Variants in FBXL7 observed in about 807,000 individuals in gnomAD.
The protein encoded by FBXL7 is F-box and leucine rich repeat protein 7, also known as F-box/LRR-repeat protein 7.
A neutral mutation model predicts 38.3 loss-of-function variants in FBXL7; 12 were observed. That is an observed-to-expected ratio of 0.31 (90% CI 0.20 to 0.51). The LOEUF (loss-of-function observed/expected upper bound fraction) is 0.51. Ranked by LOEUF, FBXL7 falls within the 20% of genes least tolerant of loss-of-function variation. The probability of loss-of-function intolerance (pLI) is 0.98; values close to 1 mark genes in which losing one functional copy is unlikely to be tolerated. For synonymous variants in FBXL7, 297 were observed against 300.9 expected, an observed-to-expected ratio of 0.99 and a Z score of 0.13; for missense variants, 567 against 676.4, an observed-to-expected ratio of 0.84 and a Z score of 1.79.
Position 15,664,765 on chromosome 5 carries a change from C to T in FBXL7, c.127+48693C>T, listed in dbSNP as rs118032588. On this transcript the variant is annotated intron_variant, in intron 2 of 3. Coordinates refer to ENST00000504595, the MANE Select transcript of FBXL7 (RefSeq NM_012304.5). ...GACTATAGGCCTGAGCCACCATGCC[C>T]GGCTTCAAATTTTCTTCAAGCGTCC... is the stretch of plus-strand genomic sequence containing the variant. Among the ~76,000 whole-genome samples the T allele has an allele frequency of 9.2e-3, 1,399 of 152,012 alleles. 47 individuals carry two copies. Among genetic ancestry groups the T allele is most frequent in the East Asian group, 0.052 (268 of 5,176 alleles).
At chr5:15,882,017 A>C (rs563242048) in intron 2 of FBXL7, among the ~76,000 whole-genome samples, 110 of 152,314 alleles carry the variant, frequency 7.2e-4, no homozygotes, top group Non-Finnish European at 1.3e-3. Context: ...TGGCTGGAGC[A>C]AGAGGAGGAG....
intron 2 of FBXL7, among the ~76,000 whole-genome samples, chr5:15,658,631 T>C (rs1468768563): frequency 6.6e-6 from 1 of 152,112 alleles, no homozygotes; most frequent in Non-Finnish European, 1.5e-5. Context: ...GCAACTCCTG[T>C]CCTTTTTAAG....
intron 2 of FBXL7, among the ~76,000 whole-genome samples, chr5:15,758,198 T>C (rs1736349321): frequency 6.6e-6 from 1 of 151,880 alleles, no homozygotes; most frequent in East Asian, 1.9e-4. Context: ...GAAATAAGTA[T>C]CAAATGCTTA....
intron 2 of FBXL7, among the ~76,000 whole-genome samples, chr5:15,636,908 A>G (rs1345471531): frequency 6.6e-6 from 1 of 152,130 alleles, no homozygotes; most frequent in East Asian, 1.9e-4. Flanking sequence ...CATAGTTGAT[A>G]TTGGAAGTAG....
chr5:15,564,649 C>G (rs569437458), intron 1 of FBXL7, among the ~76,000 whole-genome samples: 1 of 152,048 alleles, frequency 6.6e-6, no homozygotes, highest in East Asian at 1.9e-4. Flanking sequence ...TTTAACTGCT[C>G]TGTGATTTCA....
At chr5:15,824,956 G>A (rs1050166965) in intron 2 of FBXL7, among the ~76,000 whole-genome samples, 1 of 152,228 alleles carries the variant, frequency 6.6e-6, no homozygotes, top group Non-Finnish European at 1.5e-5. Flanking sequence ...GTCAAAGCCA[G>A]TCTGTGAATT....
chr5:15,600,780 A>C (rs1739767219), intron 1 of FBXL7, among the ~76,000 whole-genome samples: 1 of 152,182 alleles, frequency 6.6e-6, no homozygotes, highest in Non-Finnish European at 1.5e-5. Flanking sequence ...AATTTTCACT[A>C]ATTTAGACTG....
Position 15,830,630 on chromosome 5 carries a change from C to T in FBXL7, c.128-97260C>T, listed in dbSNP as rs115315497. On this transcript the variant is annotated intron_variant, in intron 2 of 3. Coordinates refer to ENST00000504595, the MANE Select transcript of FBXL7 (RefSeq NM_012304.5). ...ACCCTCAAGTTGTACAAACCTCAGG[C>T]GCCACCAGACTGGGGCCCACCACTG... 4.9e-3 allele frequency among the ~76,000 whole-genome samples: 753 copies of T among 152,262 alleles called. 2 individuals are homozygous for T. The highest frequency in any genetic ancestry group is 7.6e-3 in the Non-Finnish European group (515 of 68,028).
chr5:15,675,797 T>C (rs1401574563), intron 2 of FBXL7, among the ~76,000 whole-genome samples: 1 of 152,228 alleles, frequency 6.6e-6, no homozygotes, highest in African/African-American at 2.4e-5. Flanking sequence ...TATCATTCCC[T>C]GGTTTGAGTT....
chr5:15,683,117 T>C (rs1278013625), intron 2 of FBXL7, among the ~76,000 whole-genome samples: 1 of 152,188 alleles, frequency 6.6e-6, no homozygotes, highest in Non-Finnish European at 1.5e-5. Flanking sequence ...TGTTTCCATT[T>C]CAAATGCAGA....
At chr5:15,778,487 C>T (rs749366063) in intron 2 of FBXL7, among the ~76,000 whole-genome samples, 4 of 152,068 alleles carry the variant, frequency 2.6e-5, no homozygotes, top group Non-Finnish European at 5.9e-5. Context: ...ACCCTCTAGA[C>T]TAATTAGTTA....
intron 2 of FBXL7, among the ~76,000 whole-genome samples, chr5:15,870,623 T>A (rs1268890640): frequency 1.3e-5 from 2 of 152,186 alleles, no homozygotes; most frequent in Admixed American, 6.5e-5. Context: ...TATAAATTAG[T>A]TTTTCTATCA....
chr5:15,888,704 T>A (rs1467777743), intron 2 of FBXL7, among the ~76,000 whole-genome samples: 1 of 152,188 alleles, frequency 6.6e-6, no homozygotes, highest in African/African-American at 2.4e-5. Context: ...CACTTCTCTT[T>A]CACGGCCCAC....
intron 2 of FBXL7, among the ~76,000 whole-genome samples, chr5:15,629,905 G>A (rs1740942589): frequency 6.6e-6 from 1 of 152,126 alleles, no homozygotes. Context: ...AATGAGAGAT[G>A]TAGTTACTTT....
At chr5:15,765,308 G>T (rs1736555823) in intron 2 of FBXL7, among the ~76,000 whole-genome samples, 1 of 152,064 alleles carries the variant, frequency 6.6e-6, no homozygotes, top group South Asian at 2.1e-4. Flanking sequence ...ATTCACAAAT[G>T]TTATGCACTC....
intron 2 of FBXL7, among the ~76,000 whole-genome samples, chr5:15,865,981 G>GTT (rs1176114142): frequency 5.3e-5 from 8 of 152,120 alleles, no homozygotes; most frequent in African/African-American, 1.9e-4. Context: ...TCTAGTTTTC[G>GTT]TTAAGAGTAG....
intron 2 of FBXL7, among the ~76,000 whole-genome samples, chr5:15,795,556 A>G (rs532508242): frequency 3.8e-4 from 58 of 152,316 alleles, no homozygotes; most frequent in Non-Finnish European, 8.1e-4. Flanking sequence ...TTGCAAATTT[A>G]TGTCTTATAG....
chr5:15,594,899 A>C (rs925714419), intron 1 of FBXL7, among the ~76,000 whole-genome samples: 1 of 152,190 alleles, frequency 6.6e-6, no homozygotes, highest in Non-Finnish European at 1.5e-5. Context: ...CTGCCTTGCT[A>C]TGATCCTCTG....
intron 1 of FBXL7, among the ~76,000 whole-genome samples, chr5:15,561,886 A>G (rs530842491): frequency 2.6e-5 from 4 of 152,274 alleles, no homozygotes; most frequent in African/African-American, 9.6e-5. Context: ...AAATTATATT[A>G]CAAAGCAAAA....
Sources: allele counts gnomAD v4.1 joint callset (sites outside exome capture counted in the v4.1 genomes callset), GRCh38; gene constraint gnomAD v4.1.1; transcripts MANE v1.5; gene names NCBI Gene and HGNC (gene_info 2026-07-23, HGNC 2026-07-21).